The following EPB41L4A variants were observed in gnomAD, a reference collection of about 807,000 sequenced individuals.
EPB41L4A encodes erythrocyte membrane protein band 4.1 like 4A.
Under a neutral mutation model 108.6 loss-of-function variants are expected in EPB41L4A, and 100 were observed. The observed-to-expected ratio is 0.92, with a 90% CI of 0.78 to 1.09. EPB41L4A has a LOEUF of 1.09. EPB41L4A is among the 50% of genes least tolerant of loss of function. The pLI, the probability that EPB41L4A is intolerant of heterozygous loss-of-function variation, is 0.00. For synonymous variants in EPB41L4A, 319 were observed against 289.0 expected, an observed-to-expected ratio of 1.10 and a Z score of -1.05; for missense variants, 1,030 against 842.7, an observed-to-expected ratio of 1.22 and a Z score of -2.75.
At chr5:112,296,460 C>A (rs1753989213) in intron 2 of EPB41L4A, among the ~76,000 whole-genome samples, 1 of 151,944 alleles carries the variant, frequency 6.6e-6, no homozygotes. Context: ...ACTGAATGGT[C>A]TGAAAAAACA....
chr5:112,192,381 A>C (rs1761747315), intron 17 of EPB41L4A, among the ~76,000 whole-genome samples: 1 of 152,190 alleles, frequency 6.6e-6, no homozygotes, highest in African/African-American at 2.4e-5. Flanking sequence ...GGCAGACTTT[A>C]TACCACATCT....
intron 1 of EPB41L4A, among the ~76,000 whole-genome samples, chr5:112,330,609 G>T (rs982013020): frequency 1.6e-4 from 24 of 152,024 alleles, no homozygotes; most frequent in Non-Finnish European, 3.2e-4. Context: ...ACTGAGGAAT[G>T]GGGGGTAACT....
chr5:112,152,978 G>T (rs1407700265), intron 12 of EPB41L4A, among the ~76,000 whole-genome samples: 1 of 152,184 alleles, frequency 6.6e-6, no homozygotes, highest in African/African-American at 2.4e-5. Context: ...CAGCACTTTG[G>T]GAGGCTAAGG....
At chr5:112,363,850 T>C (rs1758942494) in intron 1 of EPB41L4A, among the ~76,000 whole-genome samples, 1 of 152,256 alleles carries the variant, frequency 6.6e-6, no homozygotes, top group Admixed American at 6.5e-5. Flanking sequence ...CTACTTCAAA[T>C]ACTCACTTAA....
chr5:112,278,514 A>T (rs1723580506), intron 3 of EPB41L4A, among the ~76,000 whole-genome samples: 1 of 151,966 alleles, frequency 6.6e-6, no homozygotes, highest in Admixed American at 6.6e-5. Flanking sequence ...AGCCACCCAA[A>T]CTGCTGGGAT....
At chr5:112,236,309 T>G (rs1749326826) in intron 11 of EPB41L4A, among the ~76,000 whole-genome samples, 1 of 152,222 alleles carries the variant, frequency 6.6e-6, no homozygotes, top group African/African-American at 2.4e-5. Flanking sequence ...GACCTCCTGC[T>G]GGTCAGTATG....
At chr5:112,354,287 G>A (rs1186908882) in intron 1 of EPB41L4A, among the ~76,000 whole-genome samples, 1 of 152,198 alleles carries the variant, frequency 6.6e-6, no homozygotes, top group African/African-American at 2.4e-5. Context: ...AAAACAATGG[G>A]TATGACTCGC....
At position 112,259,922 on chromosome 5, in the gene EPB41L4A, T is replaced by G; in HGVS notation, c.700A>C (p.Lys234Gln). The change falls in exon 8 of 23, where the codon AAG (lysine) becomes CAG (glutamine). Residue 234 changes from lysine to glutamine, a missense_variant. Coordinates refer to ENST00000261486, the MANE Select transcript of EPB41L4A (RefSeq NM_022140.5). Reference sequence around the variant, plus strand: ...TACTTCCCCACTTGCTTTTTATTCTTGTACACAACAACACCAACCGGAGTT... The same window carrying G: ...TACTTCCCCACTTGCTTTTTATTCTGGTACACAACAACACCAACCGGAGTT... ...GLTPVGVVVYKNKKQVGKYFW... is the reference protein window; with the variant it reads ...GLTPVGVVVYQNKKQVGKYFW... 2 of 1,614,116 alleles carry G rather than the reference T, an allele frequency of 1.2e-6. No homozygotes were observed. The highest frequency in any genetic ancestry group is 1.7e-6 in the Non-Finnish European group (2 of 1,179,950).
intron 15 of EPB41L4A, among the ~76,000 whole-genome samples, chr5:112,203,207 T>A (rs1488098324): frequency 4.0e-5 from 6 of 151,856 alleles, no homozygotes; most frequent in African/African-American, 1.5e-4. Context: ...AATAAAAAAA[T>A]TAGCCGGGCC....
chr5:112,272,261 A>G (rs988314718), intron 4 of EPB41L4A, among the ~76,000 whole-genome samples: 4 of 150,488 alleles, frequency 2.7e-5, no homozygotes, highest in African/African-American at 9.8e-5. Context: ...CAGCCTCCCA[A>G]GCAGGAGTAA....
chr5:112,166,486 A>G (rs575877652), intron 22 of EPB41L4A, among the ~76,000 whole-genome samples: 2 of 152,122 alleles, frequency 1.3e-5, no homozygotes, highest in East Asian at 1.9e-4. Flanking sequence ...CATTTTCCCT[A>G]CATTCCTCAC....
chr5:112,368,634 A>AGC (rs1398298375), intron 1 of EPB41L4A, among the ~76,000 whole-genome samples: 3 of 151,860 alleles, frequency 2.0e-5, no homozygotes, highest in African/African-American at 7.3e-5. Flanking sequence ...GCTCTCCCAA[A>AGC]GCCCACCACT....
chr5:112,178,598 A>G lies in EPB41L4A; in HGVS notation c.1622+5418T>C, dbSNP rs541322525. The stretch of plus-strand genomic sequence containing the variant: ...GTTCAGACTTTTTTTTTTAACCACA[A>G]TGGAATTAAATTAGAATAATAATAA... On this transcript the variant is annotated intron_variant, in intron 18 of 22. Transcript: ENST00000261486. Among the ~76,000 whole-genome samples the G allele has an allele frequency of 8.5e-5, 13 of 152,064 alleles. No individual in the cohort carries two copies. The East Asian group carries it at 2.5e-3, about 29-fold the overall frequency.
At chr5:112,252,036 T>G (rs975508760) in intron 9 of EPB41L4A, among the ~76,000 whole-genome samples, 2 of 141,854 alleles carry the variant, frequency 1.4e-5, no homozygotes, top group Non-Finnish European at 3.0e-5. Flanking sequence ...TGTTACAGAA[T>G]TGAGCAAATG....
At chr5:112,400,766 T>C (rs1761693845) in intron 1 of EPB41L4A, among the ~76,000 whole-genome samples, 1 of 152,152 alleles carries the variant, frequency 6.6e-6, no homozygotes, top group African/African-American at 2.4e-5. Flanking sequence ...TAATTTAATG[T>C]ATGTTCATTT....
At chr5:112,321,102 C>T (rs552767797) in intron 1 of EPB41L4A, among the ~76,000 whole-genome samples, 5 of 152,076 alleles carry the variant, frequency 3.3e-5, no homozygotes, top group South Asian at 4.2e-4. Flanking sequence ...AATTATGAGC[C>T]GGTTTACATC....
intron 1 of EPB41L4A, among the ~76,000 whole-genome samples, chr5:112,314,505 TAAAAAAAAAAAAAA>T (rs552428109): frequency 0.011 from 626 of 55,216 alleles, 12 homozygotes; most frequent in African/African-American, 0.045. Flanking sequence ...CCATCGCTAC[TAAAAAAAAAAAAAA>T]AAAAAAAAAA....
intron 1 of EPB41L4A, among the ~76,000 whole-genome samples, chr5:112,324,972 G>C (rs1182173672): frequency 6.6e-6 from 1 of 152,126 alleles, no homozygotes; most frequent in Non-Finnish European, 1.5e-5. Flanking sequence ...CATCATACTT[G>C]TAACTAGCTA....
chr5:112,419,577 C>G, upstream of EPB41L4A: 1 of 451,386 alleles, frequency 2.2e-6, no homozygotes, highest in Non-Finnish European at 4.4e-6. Context: ...GCCCCGCAGC[C>G]CCGGGTCAGA....
Sources: allele counts gnomAD v4.1 joint callset (sites outside exome capture counted in the v4.1 genomes callset), GRCh38; gene constraint gnomAD v4.1.1; transcripts MANE v1.5; gene names NCBI Gene and HGNC (gene_info 2026-07-23, HGNC 2026-07-21).